Variants in CLINT1 observed in about 807,000 individuals in gnomAD.
CLINT1 encodes the protein clathrin interactor 1.
In CLINT1, 15 loss-of-function variants were observed where a neutral mutation model predicts 70.4. The ratio of observed to expected loss-of-function variants is 0.21; its 90% CI spans 0.14 to 0.33. The LOEUF is 0.33. Ranked by LOEUF, CLINT1 falls within the 10% of genes least tolerant of loss-of-function variation. CLINT1 has a pLI of 1.00. For synonymous variants in CLINT1, 227 were observed against 254.7 expected (o/e 0.89, Z 1.04); for missense variants, 615 against 778.1 (o/e 0.79, Z 2.49).
chr5:157,855,163 G>C (rs6872801), intron 1 of CLINT1, among the ~76,000 whole-genome samples: 18 of 86,172 alleles, frequency 2.1e-4, no homozygotes, highest in Admixed American at 2.6e-4. Flanking sequence ...AAGGCGGGGG[G>C]GGGGGCGGGT....
chr5:157,837,277 C>G (rs1270639250), intron 1 of CLINT1, among the ~76,000 whole-genome samples: 2 of 152,116 alleles, frequency 1.3e-5, no homozygotes, highest in Non-Finnish European at 2.9e-5. Flanking sequence ...TGGCCCACAC[C>G]TGTGGTCTCA....
At chr5:157,850,854 G>A (rs1477485494) in intron 1 of CLINT1, among the ~76,000 whole-genome samples, 1 of 151,806 alleles carries the variant, frequency 6.6e-6, no homozygotes, top group Non-Finnish European at 1.5e-5. Context: ...GAGTGCAGTG[G>A]CACAATCACA....
At chr5:157,819,242 C>G (rs1561654293) in intron 1 of CLINT1, among the ~76,000 whole-genome samples, 1 of 152,138 alleles carries the variant, frequency 6.6e-6, no homozygotes, top group Non-Finnish European at 1.5e-5. Flanking sequence ...CTGAATCAAT[C>G]TGGCTTTCAG....
rs369606423 is a variant in CLINT1 at position 157,816,534 on chromosome 5, A to G, written c.243+200T>C. On this transcript the variant is annotated intron_variant, in intron 3 of 11. Transcript: ENST00000411809. The stretch of plus-strand genomic sequence containing the variant: ...GAAATAATCAACATTTAGAAGTATT[A>G]TTAAGAATTTCTCATTCAGAACAAT... Among the ~76,000 whole-genome samples, 15 of 152,326 alleles carry G rather than the reference A, an allele frequency of 9.8e-5. 1 individual carries two copies. Among genetic ancestry groups the G allele is most frequent in the Admixed American group, 7.2e-4 (11 of 15,310 alleles).
chr5:157,851,871 A>G (rs935381015), intron 1 of CLINT1, among the ~76,000 whole-genome samples: 2 of 152,186 alleles, frequency 1.3e-5, no homozygotes, highest in Non-Finnish European at 2.9e-5. Context: ...ATAGGAATAT[A>G]TTACGTTCCT....
intron 8 of CLINT1, among the ~76,000 whole-genome samples, chr5:157,796,373 T>C (rs1188144877): frequency 6.6e-6 from 1 of 152,250 alleles, no homozygotes; most frequent in Non-Finnish European, 1.5e-5. Context: ...AGTTGTAATA[T>C]TCCTTTTTTT....
rs570411220 is a variant in CLINT1, at chr5:157,836,366, C to T, written c.42-18819G>A. On this transcript the variant is annotated intron_variant, in intron 1 of 11. Transcript: ENST00000411809. ...CAACCATTAACTGTCAAAACATGAA[C>T]CCAGGCAGTCTGATTCCATAGATGA... Among the ~76,000 whole-genome samples, 8 of 152,298 alleles carry T rather than the reference C, an allele frequency of 5.3e-5. No individual in the cohort carries two copies. In the South Asian group the frequency reaches 1.7e-3, roughly 32 times the overall value.
At chr5:157,828,927 TAAAAAAAAAA>T (rs11379662) in intron 1 of CLINT1, among the ~76,000 whole-genome samples, 4 of 103,376 alleles carry the variant, frequency 3.9e-5, no homozygotes, top group Non-Finnish European at 7.6e-5. Context: ...TGTCTCTACT[TAAAAAAAAAA>T]AAAAAAAAAA....
At chr5:157,849,089 C>T (rs1561676368) in intron 1 of CLINT1, among the ~76,000 whole-genome samples, 1 of 152,206 alleles carries the variant, frequency 6.6e-6, no homozygotes, top group Admixed American at 6.5e-5. Context: ...TGAGCCACCA[C>T]GCCCAGCCTG....
chr5:157,789,961 G>A (rs1179827947), intron 10 of CLINT1: 1 of 187,242 alleles, frequency 5.3e-6, no homozygotes, highest in African/African-American at 2.4e-5. Flanking sequence ...AGCACTTTGG[G>A]AGGCTGAGGT....
chr5:157,791,269 A>C (rs1761894239), intron 10 of CLINT1, among the ~76,000 whole-genome samples: 1 of 152,198 alleles, frequency 6.6e-6, no homozygotes, highest in African/African-American at 2.4e-5. Flanking sequence ...CGTGTTAGCC[A>C]GGATGGTCTT....
intron 9 of CLINT1, 37 bp downstream of exon 9, chr5:157,794,861 C>T: frequency 6.7e-7 from 1 of 1,492,512 alleles, no homozygotes; most frequent in South Asian, 1.2e-5. Flanking sequence ...AACCTTTTTA[C>T]CACCCTAGAC....
Position 157,787,821 on chromosome 5 carries a change from T to C in CLINT1, c.1703A>G (p.Asn568Ser). Residue 568 changes from asparagine (N) to serine (S), a missense_variant, in exon 12 of 12, where the codon AAT (asparagine) becomes AGT (serine). Physicochemically the swap from Asn to Ser is conservative, Grantham distance 46 (BLOSUM62 1). Transcript: ENST00000411809. ...TGTMGMAPLG[N>S]TPMMNQSMMG... Reference sequence around the variant, plus strand: ...CATGCTCTGGTTCATCATCGGAGTATTTCCAAGAGGGGCCATTCCCATGGT... The same window carrying C: ...CATGCTCTGGTTCATCATCGGAGTACTTCCAAGAGGGGCCATTCCCATGGT... 1 of 1,613,964 alleles carries C rather than the reference T, an allele frequency of 6.2e-7. No homozygotes were observed. Among genetic ancestry groups the C allele is most frequent in the African/African-American group, 1.3e-5 (1 of 75,022 alleles).
intron 1 of CLINT1, among the ~76,000 whole-genome samples, chr5:157,836,523 A>C (rs182505679): frequency 2.0e-5 from 3 of 152,344 alleles, no homozygotes; most frequent in Non-Finnish European, 2.9e-5. Context: ...CCCTGAGCAT[A>C]GTGGTGTCAT....
At chr5:157,837,530 A>G (rs1391354565) in intron 1 of CLINT1, among the ~76,000 whole-genome samples, 1 of 152,202 alleles carries the variant, frequency 6.6e-6, no homozygotes, top group Non-Finnish European at 1.5e-5. Context: ...AGAAATGTCA[A>G]TTATGTGTTG....
chr5:157,821,521 A>G (rs1398691163), intron 1 of CLINT1, among the ~76,000 whole-genome samples: 1 of 152,220 alleles, frequency 6.6e-6, no homozygotes, highest in Non-Finnish European at 1.5e-5. Context: ...TAGTATCTGT[A>G]ATTTTCAGAA....
chr5:157,840,931 G>C (rs972585254), intron 1 of CLINT1, among the ~76,000 whole-genome samples: 1 of 151,914 alleles, frequency 6.6e-6, no homozygotes, highest in Non-Finnish European at 1.5e-5. Context: ...GCCTCAATAA[G>C]TAACATACAC....
chr5:157,848,113 A>AT (rs1000290624), intron 1 of CLINT1, among the ~76,000 whole-genome samples: 3 of 149,554 alleles, frequency 2.0e-5, no homozygotes, highest in African/African-American at 4.9e-5. Flanking sequence ...GCCAAAAAAA[A>AT]TTTTTTTTTG....
chr5:157,817,585 A>T lies in CLINT1; in HGVS notation c.42-38T>A, dbSNP rs1186684338. ...AAAATGCACGCACACATGCACAAAG[A>T]TTAGCATCAAAACTGAGAAACACAT... is the stretch of plus-strand genomic sequence containing the variant. On this transcript the variant is annotated intron_variant, in intron 1 of 11. Coordinates refer to ENST00000411809, the MANE Select transcript of CLINT1 (RefSeq NM_014666.4). 11 of 1,322,042 alleles carry T rather than the reference A, an allele frequency of 8.3e-6. No homozygotes were observed. In the South Asian group the frequency reaches 1.4e-4, roughly 17 times the overall value. 81.9% of individuals were successfully genotyped at this position (1,322,042 alleles called of 1,614,324 possible).
Sources: allele counts gnomAD v4.1 joint callset (sites outside exome capture counted in the v4.1 genomes callset), GRCh38; gene constraint gnomAD v4.1.1; transcripts MANE v1.5; gene names NCBI Gene and HGNC (gene_info 2026-07-23, HGNC 2026-07-21).